Variants in KCNG2 observed in about 807,000 individuals in gnomAD.
KCNG2 encodes potassium voltage-gated channel modifier subfamily G member 2, also known as voltage-gated potassium channel regulatory subunit KCNG2.
In KCNG2, 7 loss-of-function variants were observed where a neutral mutation model predicts 12.3. That is an observed-to-expected ratio of 0.57 (90% CI 0.32 to 1.07). The LOEUF (loss-of-function observed/expected upper bound fraction) is 1.07, where lower values mean the gene tolerates loss of function less well. Ranked by LOEUF, KCNG2 falls within the 50% of genes least tolerant of loss-of-function variation. The pLI is 0.04. For synonymous variants in KCNG2, 414 were observed against 351.4 expected (o/e 1.18, Z -1.99); for missense variants, 703 against 726.0 (o/e 0.97, Z 0.36).
chr18:79,889,552 C>T (rs918420039), intron 3 of KCNG2, among the ~76,000 whole-genome samples: 17 of 152,150 alleles, frequency 1.1e-4, no homozygotes, highest in African/African-American at 1.9e-4. Flanking sequence ...TTGTTCATTG[C>T]GAGTGTATAG....
intron 1 of KCNG2, among the ~76,000 whole-genome samples, chr18:79,852,959 G>A (rs1236621981): frequency 4.6e-5 from 7 of 152,250 alleles, no homozygotes; most frequent in Non-Finnish European, 7.3e-5. Context: ...GTGCAGACCA[G>A]TTCCACCCAC....
chr18:79,832,251 C>T (rs1035933475), intron 1 of KCNG2, among the ~76,000 whole-genome samples: 4 of 149,572 alleles, frequency 2.7e-5, no homozygotes, highest in Non-Finnish European at 5.9e-5. Context: ...CATCCTCACC[C>T]GTGAGACCTC....
At chr18:79,872,347 G>A (rs1599416095) in intron 3 of KCNG2, among the ~76,000 whole-genome samples, 1 of 131,848 alleles carries the variant, frequency 7.6e-6, no homozygotes, top group Admixed American at 9.0e-5. Context: ...GTGCAATGGC[G>A]CAATCACAGC....
chr18:79,896,873 T>A (rs1280932502), intron 3 of KCNG2, among the ~76,000 whole-genome samples: 1 of 150,678 alleles, frequency 6.6e-6, no homozygotes, highest in Non-Finnish European at 1.5e-5. Context: ...ATTGGCAGGG[T>A]TTTTTTCCTT....
intron 3 of KCNG2, chr18:79,876,413 C>T (rs1205811977): frequency 6.6e-6 from 1 of 152,374 alleles, no homozygotes; most frequent in African/African-American, 2.4e-5. Context: ...GGAGAGGAGT[C>T]ACCTGCGGCG....
intron 1 of KCNG2, among the ~76,000 whole-genome samples, chr18:79,835,039 C>A (rs1215815477): frequency 4.6e-5 from 7 of 152,248 alleles, no homozygotes; most frequent in Non-Finnish European, 8.8e-5. Flanking sequence ...CCACCCCTCC[C>A]AGCCAGGGAC....
intron 3 of KCNG2, among the ~76,000 whole-genome samples, chr18:79,896,155 A>G (rs563121904): frequency 3.0e-4 from 45 of 152,110 alleles, no homozygotes; most frequent in Non-Finnish European, 5.3e-4. Context: ...TAGTAGAGAC[A>G]GGGTTTTGCC....
At chr18:79,852,391 T>C (rs991929857) in intron 1 of KCNG2, among the ~76,000 whole-genome samples, 2 of 152,270 alleles carry the variant, frequency 1.3e-5, no homozygotes, top group African/African-American at 4.8e-5. Context: ...GCTTTATGTC[T>C]GTAATATCAA....
At chr18:79,855,032 T>G (rs773936064) in intron 1 of KCNG2, among the ~76,000 whole-genome samples, 7 of 152,170 alleles carry the variant, frequency 4.6e-5, no homozygotes, top group Non-Finnish European at 8.8e-5. Flanking sequence ...GGTTTTTTTG[T>G]TTTTTGTTTG....
chr18:79,801,106 C>G (rs1200913365), intron 1 of KCNG2, among the ~76,000 whole-genome samples: 1 of 152,214 alleles, frequency 6.6e-6, no homozygotes, highest in Non-Finnish European at 1.5e-5. Flanking sequence ...TCTCTGATCC[C>G]CGCCACGTCA....
intron 1 of KCNG2, among the ~76,000 whole-genome samples, chr18:79,829,769 C>G (rs1388039578): frequency 6.6e-6 from 1 of 152,228 alleles, no homozygotes; most frequent in Admixed American, 6.5e-5. Flanking sequence ...CGGGGCAGCT[C>G]ACACCCAGGG....
At chr18:79,843,051 C>T (rs1978512131) in intron 1 of KCNG2, among the ~76,000 whole-genome samples, 1 of 152,134 alleles carries the variant, frequency 6.6e-6, no homozygotes, top group African/African-American at 2.4e-5. Flanking sequence ...TACCAAGACA[C>T]ATTATAATAA....
At chr18:79,874,587 T>C (rs758799419) in intron 3 of KCNG2, among the ~76,000 whole-genome samples, 3 of 152,256 alleles carry the variant, frequency 2.0e-5, no homozygotes, top group Non-Finnish European at 4.4e-5. Context: ...CACCCCAGAA[T>C]TGATTCTCTC....
intron 1 of KCNG2, among the ~76,000 whole-genome samples, chr18:79,798,744 G>A (rs112416827): frequency 6.6e-6 from 1 of 152,218 alleles, no homozygotes; most frequent in African/African-American, 2.4e-5. Context: ...AGCGCAGCCC[G>A]GGTCCGGACT....
chr18:79,896,701 A>G (rs564547960), intron 3 of KCNG2, among the ~76,000 whole-genome samples: 90 of 152,334 alleles, frequency 5.9e-4, no homozygotes, highest in African/African-American at 2.0e-3. Context: ...GATCCAGATT[A>G]TCATCTGGGT....
At chr18:79,846,277 G>T (rs1978623500) in intron 1 of KCNG2, among the ~76,000 whole-genome samples, 1 of 151,076 alleles carries the variant, frequency 6.6e-6, no homozygotes, top group Non-Finnish European at 1.5e-5. Flanking sequence ...GGAGGCTGAG[G>T]CAGGAGAATG....
rs1484626929 is a variant in KCNG2 at position 79,884,592 on chromosome 18, A to G, written c.625-14448A>G. Among the ~76,000 whole-genome samples the G allele has an allele frequency of 1.3e-5, 2 of 152,186 alleles. No individual in the cohort carries two copies. The highest frequency in any genetic ancestry group is 6.5e-5 in the Admixed American group (1 of 15,290). On this transcript the variant is annotated intron_variant, in intron 3 of 3. Transcript: ENST00000316249. The surrounding 1 kb of genome is among the most constrained non-coding windows in gnomAD (Gnocchi z 5.5). ...TGGCAGCTCCCCAGGCCCACGGGGC[A>G]GGAATTCTAGATTCTGGGATTCCTT...
Position 79,864,131 on chromosome 18 carries a change from G to A in KCNG2, c.464G>A (p.Arg155Gln), listed in dbSNP as rs758694390. ...SPARALGPRG[R>Q]LQRGRRRLRD... ...GCGCGCGCCCTGGGACCTCGGGGGC[G>A]GCTGCAGCGCGGCCGGCGGCGCCTG... The change falls in exon 3 of 4, where the codon CGG (arginine) becomes CAG (glutamine). Residue 155 changes from arginine to glutamine, a missense_variant. By Grantham distance (43) the Arg-to-Gln change is conservative (BLOSUM62 1). Transcript: ENST00000316249. 1.5e-6 allele frequency: 2 copies of A among 1,310,248 alleles called. No homozygotes were observed. The allele number at this position is 1,310,248 out of a possible 1,614,324, so 81.2% of individuals were successfully genotyped here.
intron 3 of KCNG2, among the ~76,000 whole-genome samples, chr18:79,882,575 G>A (rs2123111480): frequency 6.6e-6 from 1 of 152,364 alleles, no homozygotes; most frequent in East Asian, 1.9e-4. Flanking sequence ...CAAATACAGC[G>A]CTGAACTGTT....
Sources: allele counts gnomAD v4.1 joint callset (sites outside exome capture counted in the v4.1 genomes callset), GRCh38; gene constraint gnomAD v4.1.1; non-coding constraint Gnocchi (gnomAD v3.1); transcripts MANE v1.5; gene names NCBI Gene and HGNC (gene_info 2026-07-23, HGNC 2026-07-21).